AP4E1: variants seen among roughly 807,000 people sequenced by gnomAD.
AP4E1 encodes the protein AP-4 complex subunit epsilon-1.
AP4E1 carries 56 observed loss-of-function variants against 128.2 expected under a neutral mutation model. The observed-to-expected ratio is 0.44, with a 90% CI of 0.35 to 0.55. The LOEUF (loss-of-function observed/expected upper bound fraction) is 0.55. Ranked by LOEUF, AP4E1 falls within the 20% of genes least tolerant of loss-of-function variation. AP4E1 has a pLI of 0.00. For synonymous variants in AP4E1, 484 were observed against 473.1 expected (o/e 1.02, Z -0.30); for missense variants, 1,324 against 1,307.7 (o/e 1.01, Z -0.19).
At chr15:50,918,281 A>G (rs1015657300) in intron 3 of AP4E1, among the ~76,000 whole-genome samples, 4 of 152,100 alleles carry the variant, frequency 2.6e-5, no homozygotes, top group Non-Finnish European at 5.9e-5. Flanking sequence ...AAATGAAACT[A>G]CCTGGGAACC....
intron 14 of AP4E1, among the ~76,000 whole-genome samples, chr15:50,966,218 C>T (rs1324885373): frequency 6.6e-6 from 1 of 152,114 alleles, no homozygotes; most frequent in East Asian, 1.9e-4. Flanking sequence ...CGCACCTGGT[C>T]TAGAAAACTT....
intron 16 of AP4E1, among the ~76,000 whole-genome samples, chr15:50,987,634 G>C (rs779048027): frequency 5.9e-5 from 9 of 152,166 alleles, no homozygotes; most frequent in Non-Finnish European, 1.0e-4. Context: ...TCTTAATCCT[G>C]AGTTCTAGTT....
chr15:50,922,163 CAAAAA>C (rs34829950), intron 3 of AP4E1, among the ~76,000 whole-genome samples: 3 of 79,752 alleles, frequency 3.8e-5, no homozygotes, highest in East Asian at 3.3e-4. Context: ...CCTATCTCTA[CAAAAA>C]AAAAAAAAAA....
At chr15:50,977,313 G>A (rs1456735170) in intron 15 of AP4E1, among the ~76,000 whole-genome samples, 4 of 152,100 alleles carry the variant, frequency 2.6e-5, no homozygotes, top group Admixed American at 2.6e-4. Flanking sequence ...TGCCTATTTT[G>A]TTTCTTAAAA....
intron 17 of AP4E1, among the ~76,000 whole-genome samples, chr15:50,995,587 T>A (rs1375691206): frequency 6.6e-6 from 1 of 152,152 alleles, no homozygotes; most frequent in East Asian, 1.9e-4. Context: ...GGTTTCACCA[T>A]GTTGGCCAGG....
At chr15:50,953,336 C>T (rs2064176763) in intron 13 of AP4E1, among the ~76,000 whole-genome samples, 1 of 152,150 alleles carries the variant, frequency 6.6e-6, no homozygotes, top group Non-Finnish European at 1.5e-5. Context: ...ACAGTCGGCC[C>T]CCTTATCTGT....
intron 13 of AP4E1, among the ~76,000 whole-genome samples, chr15:50,957,638 C>T (rs2064244446): frequency 6.6e-6 from 1 of 150,844 alleles, no homozygotes; most frequent in African/African-American, 2.4e-5. Context: ...TTGTATGTCA[C>T]CTAAGTTAGA....
At chr15:50,938,265 C>G (rs2063934913) in intron 8 of AP4E1, among the ~76,000 whole-genome samples, 1 of 151,980 alleles carries the variant, frequency 6.6e-6, no homozygotes, top group African/African-American at 2.4e-5. Flanking sequence ...ACAAAAACAC[C>G]CCCAGAAAAG....
In AP4E1 at chr15:50,908,900, G is replaced by C; in HGVS notation, c.122G>C (p.Arg41Pro). Residue 41 changes from arginine to proline, a missense_variant, in exon 1 of 21, where the codon CGC (arginine) becomes CCC (proline). Arg to Pro is a moderately radical substitution (Grantham distance 103, BLOSUM62 -2). Transcript: ENST00000261842. The part of the protein sequence containing the change: ...SFSSRLGSLV[R>P]GITALTSKHE... The stretch of plus-strand genomic sequence containing the variant: ...TCCTCGAGGCTGGGCAGCCTTGTCC[G>C]CGGCATCACAGCCCTCACCTCCAAG... 1 of 1,610,730 alleles carries C rather than the reference G, an allele frequency of 6.2e-7. No homozygotes were observed. The highest frequency in any genetic ancestry group is 8.5e-7 in the Non-Finnish European group (1 of 1,179,390).
chr15:50,996,246 C>T (rs1300685975), intron 17 of AP4E1, among the ~76,000 whole-genome samples: 1 of 150,308 alleles, frequency 6.7e-6, no homozygotes, highest in Admixed American at 6.7e-5. Flanking sequence ...GATCCGCCTG[C>T]TTCAGCCTCC....
At chr15:50,974,591 C>A (rs1266787161) in intron 15 of AP4E1, among the ~76,000 whole-genome samples, 2 of 152,052 alleles carry the variant, frequency 1.3e-5, no homozygotes, top group Admixed American at 6.6e-5. Context: ...TTTGAGGAAC[C>A]TCCATACTGC....
chr15:50,907,566 G>A (rs1455063524), upstream of AP4E1, among the ~76,000 whole-genome samples: 1 of 151,936 alleles, frequency 6.6e-6, no homozygotes, highest in Admixed American at 6.6e-5. Flanking sequence ...GGAGTACTGA[G>A]AGCAAATTGC....
At chr15:50,952,343 T>C (rs1402484413) in intron 13 of AP4E1, among the ~76,000 whole-genome samples, 1 of 151,820 alleles carries the variant, frequency 6.6e-6, no homozygotes, top group Non-Finnish European at 1.5e-5. Flanking sequence ...ACCCCATCTC[T>C]ACTAAAAATA....
Position 51,003,918 on chromosome 15 carries a change from G to A in AP4E1, c.*1256G>A, listed in dbSNP as rs1292228432. 6.6e-6 allele frequency: 1 copy of A among 152,448 alleles called. No individual in the cohort carries two copies. The highest frequency in any genetic ancestry group is 2.4e-5 in the African/African-American group (1 of 41,414). The allele number at this position is 152,448 out of a possible 1,614,324, so 9.4% of individuals were successfully genotyped here. A position where few individuals can be genotyped will look rare whatever the true frequency, so the allele number is the denominator to read the frequency against. On this transcript the variant is annotated 3_prime_UTR_variant, in exon 21 of 21. Transcript: ENST00000261842. ...ATTTTAGGTTATCTCATTAATCATG[G>A]CTGATAAAGAAGCTAAGGGGATTCT...
intron 15 of AP4E1, among the ~76,000 whole-genome samples, chr15:50,977,162 C>G (rs1186021570): frequency 6.6e-6 from 1 of 152,096 alleles, no homozygotes; most frequent in African/African-American, 2.4e-5. Flanking sequence ...GTGAAAAGCT[C>G]CTGGGTTTCC....
Position 50,986,608 on chromosome 15 carries a change from G to A in AP4E1, c.2090+2463G>A, listed in dbSNP as rs1041457985. 4.7e-3 allele frequency among the ~76,000 whole-genome samples: 710 copies of A among 152,184 alleles called. 5 individuals are homozygous for A. The highest frequency in any genetic ancestry group is 0.015 in the African/African-American group (642 of 41,514). ...TGGTTCTGTTTATATGCTGGATTAC[G>A]TTTATTGATTTGTGTATATTGAACC... is the stretch of plus-strand genomic sequence containing the variant. On this transcript the variant is annotated intron_variant, in intron 16 of 20. Coordinates refer to ENST00000261842, the MANE Select transcript of AP4E1 (RefSeq NM_007347.5).
At chr15:50,986,175 T>C (rs2064720316) in intron 16 of AP4E1, among the ~76,000 whole-genome samples, 1 of 150,406 alleles carries the variant, frequency 6.6e-6, no homozygotes, top group Admixed American at 6.6e-5. Context: ...GAGACTTTGC[T>C]GAAGTTGCTT....
At chr15:50,922,887 C>T (rs1040914719) in intron 3 of AP4E1, among the ~76,000 whole-genome samples, 1 of 151,856 alleles carries the variant, frequency 6.6e-6, no homozygotes, top group Non-Finnish European at 1.5e-5. Context: ...ATGCCATTCT[C>T]CTGCCTCAGC....
chr15:50,997,280 C>A (rs1233384618), intron 17 of AP4E1, 46 bp from the exon 18 acceptor site: 1 of 1,473,512 alleles, frequency 6.8e-7, no homozygotes, highest in African/African-American at 1.4e-5. Flanking sequence ...AAACTCATGA[C>A]TAGTAGAATG....
Sources: gnomAD v4.1 joint callset for allele counts (sites outside exome capture counted in the v4.1 genomes callset) on GRCh38, gnomAD v4.1.1 for gene constraint, MANE v1.5 for transcripts, NCBI Gene and HGNC (gene_info 2026-07-23, HGNC 2026-07-21) for gene names.